PRCP: variants seen among roughly 807,000 people sequenced by gnomAD.
The protein encoded by PRCP is lysosomal Pro-X carboxypeptidase.
Under a neutral mutation model 54.2 loss-of-function variants are expected in PRCP, and 46 were observed. The observed-to-expected ratio is 0.85, with a 90% CI of 0.67 to 1.09. PRCP has a LOEUF of 1.09. PRCP is among the 50% of genes least tolerant of loss of function. The pLI is 0.00. For missense variants in PRCP, 613 were observed against 596.8 expected (o/e 1.03, Z -0.28); for synonymous variants, 240 against 212.2 (o/e 1.13, Z -1.14).
At chr11:82,848,996 A>G (rs1281789755) in intron 6 of PRCP, 53 bp downstream of exon 6, 14 of 1,558,668 alleles carry the variant, frequency 9.0e-6, no homozygotes, top group Admixed American at 5.3e-5. Context: ...GAGTATGCAC[A>G]TTAAAAAAAA....
intron 1 of PRCP, among the ~76,000 whole-genome samples, chr11:82,883,831 G>T (rs991301380): frequency 1.3e-5 from 2 of 152,108 alleles, no homozygotes; most frequent in African/African-American, 4.8e-5. Flanking sequence ...TCTTTTAAAG[G>T]GTTGTTGTTT....
intron 1 of PRCP, among the ~76,000 whole-genome samples, chr11:82,886,191 G>T (rs548443280): frequency 4.6e-5 from 7 of 152,122 alleles, no homozygotes; most frequent in Non-Finnish European, 1.0e-4. Context: ...ACCCAACCTG[G>T]TGTTAGGAGA....
At position 82,824,977 on chromosome 11, in the gene PRCP, G is replaced by A. The variant is rs543072215; in HGVS notation, c.1420C>T (p.Arg474Cys). Residue 474 changes from arginine (R) to cysteine (C), a missense_variant, in exon 9 of 9, where the codon CGC becomes TGC. Coordinates refer to ENST00000313010, the MANE Select transcript of PRCP (RefSeq NM_005040.4). ...TTCATATGTCTAACTTCCAAGGAGCGGGCTAACAGCACAGACATAGGATCC... is the reference window on the plus strand; with the variant it reads ...TTCATATGTCTAACTTCCAAGGAGCAGGCTAACAGCACAGACATAGGATCC... ...ALDPMSVLLA[R>C]SLEVRHMKNW... 17 of 1,614,000 alleles carry A rather than the reference G, an allele frequency of 1.1e-5. No individual in the cohort carries two copies. Among genetic ancestry groups the A allele is most frequent in the South Asian group, 4.4e-5 (4 of 91,070 alleles).
chr11:82,836,830 G>A (rs1402996083), intron 8 of PRCP: 4 of 350,224 alleles, frequency 1.1e-5, no homozygotes, highest in Admixed American at 3.2e-5. Flanking sequence ...TTACAGGAGT[G>A]AGCCACTGCA....
chr11:82,871,974 G>T (rs1459183194), intron 1 of PRCP, among the ~76,000 whole-genome samples: 1 of 152,198 alleles, frequency 6.6e-6, no homozygotes, highest in Non-Finnish European at 1.5e-5. Context: ...TGCAGTTTCA[G>T]TTACCCATGG....
chr11:82,859,801 T>C (rs542581610), intron 2 of PRCP, among the ~76,000 whole-genome samples, 176 bp downstream of exon 2: 4 of 152,322 alleles, frequency 2.6e-5, no homozygotes, highest in Admixed American at 2.6e-4. Flanking sequence ...ATGAACTTCC[T>C]ATTCATGTGC....
chr11:82,832,789 T>C (rs1429744153), intron 8 of PRCP, among the ~76,000 whole-genome samples: 2 of 152,166 alleles, frequency 1.3e-5, no homozygotes, highest in East Asian at 3.8e-4. Context: ...ATGTCTATGC[T>C]TGGACACCTT....
At chr11:82,869,088 G>C (rs1467138195) in intron 1 of PRCP, among the ~76,000 whole-genome samples, 1 of 151,790 alleles carries the variant, frequency 6.6e-6, no homozygotes, top group Non-Finnish European at 1.5e-5. Flanking sequence ...AGGTGCACTG[G>C]CTCACACCTG....
At chr11:82,878,502 T>G (rs536815249) in intron 1 of PRCP, among the ~76,000 whole-genome samples, 1 of 152,354 alleles carries the variant, frequency 6.6e-6, no homozygotes, top group South Asian at 2.1e-4. Context: ...GTTCCCATGC[T>G]ATTCTCATGA....
chr11:82,833,979 G>C lies in PRCP; in HGVS notation c.1274+4408C>G, dbSNP rs75540141. Among the ~76,000 whole-genome samples the C allele has an allele frequency of 2.5e-3, 380 of 152,130 alleles. 3 individuals are homozygous for C. The highest frequency in any genetic ancestry group is 6.8e-3 in the Middle Eastern group (2 of 294). ...TGATGATAATAGTAATGATGATGATGATCATCATCATCGCTTTGACAATCT... is the reference window on the plus strand; with the variant it reads ...TGATGATAATAGTAATGATGATGATCATCATCATCATCGCTTTGACAATCT... On this transcript the variant is annotated intron_variant, in intron 8 of 8. Coordinates refer to ENST00000313010, the MANE Select transcript of PRCP (RefSeq NM_005040.4).
chr11:82,840,815 G>A (rs1254019995), intron 6 of PRCP: 1 of 151,750 alleles, frequency 6.6e-6, no homozygotes, highest in Non-Finnish European at 1.5e-5. Flanking sequence ...CTTAGGTTAA[G>A]TCATCTTCAA....
intron 1 of PRCP, among the ~76,000 whole-genome samples, chr11:82,868,788 G>T (rs879722996): frequency 6.6e-6 from 1 of 152,002 alleles, no homozygotes; most frequent in East Asian, 1.9e-4. Flanking sequence ...TAATCCCAGC[G>T]CTTTGGGAGG....
chr11:82,873,004 A>G (rs1469608762), intron 1 of PRCP, among the ~76,000 whole-genome samples: 2 of 151,946 alleles, frequency 1.3e-5, no homozygotes, highest in Non-Finnish European at 2.9e-5. Flanking sequence ...TATGATAGGG[A>G]GACTGAACTT....
At chr11:82,900,115 C>A in intron 1 of PRCP, 120 bp downstream of exon 1, 1 of 1,315,278 alleles carries the variant, frequency 7.6e-7, no homozygotes, top group Non-Finnish European at 1.1e-6. Context: ...TAGCCAAAAA[C>A]CGAACAGATC....
chr11:82,837,937 G>A (rs1040934693), intron 8 of PRCP, among the ~76,000 whole-genome samples: 7 of 152,140 alleles, frequency 4.6e-5, no homozygotes, highest in African/African-American at 1.7e-4. Context: ...GTAAAAAAGG[G>A]GCTATAAAAA....
At chr11:82,882,921 C>A (rs940531043) in intron 1 of PRCP, among the ~76,000 whole-genome samples, 26 of 149,692 alleles carry the variant, frequency 1.7e-4, no homozygotes, top group African/African-American at 6.4e-4. Context: ...ACCTAAAGAA[C>A]GATGATACTT....
chr11:82,848,240 T>A (rs922269998), intron 6 of PRCP, among the ~76,000 whole-genome samples: 1 of 152,246 alleles, frequency 6.6e-6, no homozygotes, highest in African/African-American at 2.4e-5. Flanking sequence ...CCAGCCTTTG[T>A]TTTTAAAACT....
chr11:82,845,708 T>C (rs1469147178), intron 6 of PRCP: 1 of 152,224 alleles, frequency 6.6e-6, no homozygotes, highest in African/African-American at 2.4e-5. Context: ...CTGAAATATT[T>C]GAGAAGTTAT....
chr11:82,886,940 G>A (rs370766812), intron 1 of PRCP, among the ~76,000 whole-genome samples: 7 of 152,264 alleles, frequency 4.6e-5, no homozygotes, highest in South Asian at 2.1e-4. Context: ...TATCCACACC[G>A]TGTGTATGTA....
Sources: gnomAD v4.1 joint callset for allele counts (sites outside exome capture counted in the v4.1 genomes callset) on GRCh38, gnomAD v4.1.1 for gene constraint, MANE v1.5 for transcripts, NCBI Gene and HGNC (gene_info 2026-07-23, HGNC 2026-07-21) for gene names.